Variants in CHRM3 observed in about 807,000 individuals in gnomAD.
CHRM3 encodes the protein cholinergic receptor muscarinic 3.
Under a neutral mutation model 41.8 loss-of-function variants are expected in CHRM3, and 11 were observed. The ratio of observed to expected loss-of-function variants is 0.26; its 90% CI spans 0.17 to 0.44. The LOEUF is 0.44. CHRM3 is among the 20% of genes least tolerant of loss of function. The pLI, the probability that CHRM3 is intolerant of heterozygous loss-of-function variation, is 1.00. For missense variants in CHRM3, 571 were observed against 745.4 expected (o/e 0.77, Z 2.72); for synonymous variants, 297 against 301.4 (o/e 0.99, Z 0.15).
chr1:239,510,779 G>A (rs541349084), intron 2 of CHRM3, among the ~76,000 whole-genome samples: 33 of 151,844 alleles, frequency 2.2e-4, no homozygotes, highest in African/African-American at 7.0e-4. Flanking sequence ...CAGCTGATCC[G>A]CCTGCCTCAG....
At chr1:239,772,124 A>C (rs547811070) in intron 5 of CHRM3, among the ~76,000 whole-genome samples, 1 of 152,294 alleles carries the variant, frequency 6.6e-6, no homozygotes, top group South Asian at 2.1e-4. Context: ...AGACAAAGAA[A>C]GAAACTTTCC....
At chr1:239,556,686 T>A (rs560266362) in intron 3 of CHRM3, among the ~76,000 whole-genome samples, 3 of 152,262 alleles carry the variant, frequency 2.0e-5, no homozygotes, top group African/African-American at 7.2e-5. Context: ...AGGGGCCTCC[T>A]CAAGTTAGGA....
chr1:239,453,075 C>G (rs1360751349), intron 1 of CHRM3, among the ~76,000 whole-genome samples: 1 of 152,202 alleles, frequency 6.6e-6, no homozygotes. Flanking sequence ...GCTGGGATTA[C>G]AGGCGCGAGC....
At chr1:239,407,199 T>C (rs1320652132) in intron 1 of CHRM3, among the ~76,000 whole-genome samples, 1 of 152,172 alleles carries the variant, frequency 6.6e-6, no homozygotes, top group Non-Finnish European at 1.5e-5. Context: ...CTGTTAGAGC[T>C]GTCCTCAAAT....
At chr1:239,404,404 GA>G (rs1558195617) in intron 1 of CHRM3, among the ~76,000 whole-genome samples, 2 of 57,886 alleles carry the variant, frequency 3.5e-5, no homozygotes, top group East Asian at 4.5e-4. Context: ...AAGAAAGAAA[GA>G]AAGAAAAAGA....
At position 239,855,878 on chromosome 1, in the gene CHRM3, C is replaced by T. The variant is rs938329144; in HGVS notation, c.-20+28500C>T. Among the ~76,000 whole-genome samples, 11 of 152,262 alleles carry T rather than the reference C, an allele frequency of 7.2e-5. No homozygotes were observed. In the South Asian group the frequency reaches 8.3e-4, roughly 11 times the overall value. On this transcript the variant is annotated intron_variant, in intron 6 of 6. Transcript: ENST00000676153. ...TCATATTTATTTGATGCATTTCAAA[C>T]TTGGTTGTAGACATCTATATGCTTT...
intron 3 of CHRM3, among the ~76,000 whole-genome samples, chr1:239,559,671 C>T (rs888027915): frequency 2.0e-5 from 3 of 152,102 alleles, no homozygotes; most frequent in East Asian, 1.9e-4. Flanking sequence ...ATTTCTTGTA[C>T]CTGAATTGAT....
At chr1:239,899,998 C>T (rs1474103168) in intron 6 of CHRM3, 2 of 152,238 alleles carry the variant, frequency 1.3e-5, no homozygotes, top group Non-Finnish European at 2.9e-5. Flanking sequence ...GTGCGAAGGT[C>T]ACTGGGCTGA....
intron 3 of CHRM3, among the ~76,000 whole-genome samples, chr1:239,585,465 T>C (rs548004172): frequency 6.6e-6 from 1 of 152,258 alleles, no homozygotes; most frequent in Admixed American, 6.5e-5. Context: ...GAGCAGAACA[T>C]CCTGTACCCT....
At chr1:239,884,419 G>A (rs900098715) in intron 6 of CHRM3, among the ~76,000 whole-genome samples, 6 of 152,218 alleles carry the variant, frequency 3.9e-5, no homozygotes, top group African/African-American at 1.2e-4. Context: ...TCTGGAGGGA[G>A]TGTGGCCCTG....
intron 6 of CHRM3, among the ~76,000 whole-genome samples, chr1:239,858,822 T>TATAAA (rs1675338696): frequency 6.6e-6 from 1 of 152,210 alleles, no homozygotes; most frequent in African/African-American, 2.4e-5. Context: ...TGGATTTGCA[T>TATAAA]ATAGTGGATA....
At chr1:239,439,000 T>G (rs1187696052) in intron 1 of CHRM3, among the ~76,000 whole-genome samples, 2 of 152,302 alleles carry the variant, frequency 1.3e-5, no homozygotes, top group East Asian at 3.9e-4. Flanking sequence ...ATAATTCCCC[T>G]CCTGAGCAGT....
intron 5 of CHRM3, chr1:239,707,711 T>G (rs977568639): frequency 5.3e-5 from 8 of 152,340 alleles, no homozygotes; most frequent in African/African-American, 1.9e-4. Context: ...ATAATTCCAG[T>G]AGACATTTTC....
At chr1:239,773,872 G>A (rs1029490214) in intron 5 of CHRM3, among the ~76,000 whole-genome samples, 3 of 152,160 alleles carry the variant, frequency 2.0e-5, no homozygotes, top group African/African-American at 7.2e-5. Flanking sequence ...TGAATCTTTG[G>A]TGAGGAAAGA....
At chr1:239,716,438 T>G (rs985362948) in intron 5 of CHRM3, among the ~76,000 whole-genome samples, 6 of 151,936 alleles carry the variant, frequency 3.9e-5, no homozygotes, top group Non-Finnish European at 8.8e-5. Flanking sequence ...ATAAAGCAGG[T>G]GCTGGTTGAT....
chr1:239,915,276 G>A lies in CHRM3; in HGVS notation c.*6052G>A, dbSNP rs945220757. 4 of 166,922 alleles carry A rather than the reference G, an allele frequency of 2.4e-5. No homozygotes were observed. The highest frequency in any genetic ancestry group is 7.2e-5 in the African/African-American group (3 of 41,400). 10.3% of individuals were successfully genotyped at this position (166,922 alleles called of 1,614,324 possible). On this transcript the variant is annotated 3_prime_UTR_variant, in exon 7 of 7. Coordinates refer to ENST00000676153, the MANE Select transcript of CHRM3 (RefSeq NM_001375978.1). Reference sequence around the variant, plus strand: ...GAATTTTACCTTTTTTTATTACCTCGTGGCCAGCACTTCCTCAGTAGGCAT... The same window carrying A: ...GAATTTTACCTTTTTTTATTACCTCATGGCCAGCACTTCCTCAGTAGGCAT...
intron 6 of CHRM3, among the ~76,000 whole-genome samples, chr1:239,876,577 T>C (rs773676932): frequency 1.4e-4 from 21 of 152,204 alleles, no homozygotes; most frequent in Non-Finnish European, 2.6e-4. Context: ...ATGACATTCA[T>C]AGATATACAT....
chr1:239,847,570 A>G (rs1050707676), intron 6 of CHRM3, among the ~76,000 whole-genome samples: 1 of 151,546 alleles, frequency 6.6e-6, no homozygotes. Flanking sequence ...TAAGTCAAGG[A>G]AAAATAACCA....
chr1:239,674,415 T>C (rs1012070262), intron 4 of CHRM3, among the ~76,000 whole-genome samples: 2 of 152,078 alleles, frequency 1.3e-5, no homozygotes, highest in African/African-American at 2.4e-5. Context: ...GTGGCTTAAT[T>C]AGCAAAATCA....
Sources: allele counts gnomAD v4.1 joint callset (sites outside exome capture counted in the v4.1 genomes callset), GRCh38; gene constraint gnomAD v4.1.1; transcripts MANE v1.5; gene names NCBI Gene and HGNC (gene_info 2026-07-23, HGNC 2026-07-21).